SLC23A2: variants seen among roughly 807,000 people sequenced by gnomAD.
SLC23A2 encodes Na(+)/L-ascorbic acid transporter 2.
SLC23A2 carries 36 observed loss-of-function variants against 73.3 expected under a neutral mutation model. The ratio of observed to expected loss-of-function variants is 0.49; its 90% CI spans 0.38 to 0.65. The LOEUF is 0.65. Ranked by LOEUF, SLC23A2 falls within the 30% of genes least tolerant of loss-of-function variation. The probability of loss-of-function intolerance (pLI) is 0.00; values close to 1 mark genes in which losing one functional copy is unlikely to be tolerated. For missense variants in SLC23A2, 507 were observed against 841.6 expected (o/e 0.60, Z 4.92); for synonymous variants, 343 against 327.3 (o/e 1.05, Z -0.52).
chr20:4,870,847 G>T (rs922722717), intron 11 of SLC23A2, among the ~76,000 whole-genome samples: 1 of 152,150 alleles, frequency 6.6e-6, no homozygotes, highest in Non-Finnish European at 1.5e-5. Flanking sequence ...CATCCATAAG[G>T]TATGGACAGT....
intron 1 of SLC23A2, among the ~76,000 whole-genome samples, chr20:4,990,468 C>T (rs2087907137): frequency 6.6e-6 from 1 of 151,790 alleles, no homozygotes; most frequent in African/African-American, 2.4e-5. Context: ...TTCCTGGGTT[C>T]AATTGATTCC....
At chr20:4,977,555 G>A (rs984970046) in intron 1 of SLC23A2, among the ~76,000 whole-genome samples, 1 of 151,624 alleles carries the variant, frequency 6.6e-6, no homozygotes, top group African/African-American at 2.4e-5. Flanking sequence ...AAAATTAGCT[G>A]GGCATGGTGG....
At chr20:5,003,102 G>C (rs1471879832), upstream of SLC23A2, among the ~76,000 whole-genome samples, 1 of 152,182 alleles carries the variant, frequency 6.6e-6, no homozygotes, top group Admixed American at 6.6e-5. Context: ...ACAAAGATGC[G>C]GCCGGGCGCG....
At chr20:4,918,163 T>C (rs1932389571) in intron 3 of SLC23A2, among the ~76,000 whole-genome samples, 1 of 152,182 alleles carries the variant, frequency 6.6e-6, no homozygotes, top group Non-Finnish European at 1.5e-5. Context: ...CTTAATAAAG[T>C]CTGGTTTTCT....
chr20:4,873,306 A>C (rs996484907), intron 11 of SLC23A2, among the ~76,000 whole-genome samples: 1 of 152,186 alleles, frequency 6.6e-6, no homozygotes, highest in Non-Finnish European at 1.5e-5. Context: ...GAGTCTTCAC[A>C]ATGGAACCAA....
At chr20:4,961,160 T>G (rs1776954) in intron 2 of SLC23A2, among the ~76,000 whole-genome samples, 8,884 of 146,256 alleles carry the variant, frequency 0.061, 295 homozygotes, top group Middle Eastern at 0.16. Flanking sequence ...CAGGCTGGAG[T>G]GCGGCGGCAC....
chr20:4,989,678 A>G (rs1386079005), intron 1 of SLC23A2, among the ~76,000 whole-genome samples: 1 of 152,020 alleles, frequency 6.6e-6, no homozygotes, highest in Non-Finnish European at 1.5e-5. Context: ...CCCTTAAAAA[A>G]AAAAAAATTT....
upstream of SLC23A2, among the ~76,000 whole-genome samples, chr20:5,003,887 G>C (rs1464311048): frequency 6.6e-6 from 1 of 152,050 alleles, no homozygotes; most frequent in Non-Finnish European, 1.5e-5. Flanking sequence ...TGATGGCTCT[G>C]TAACAGTCCA....
At chr20:4,871,854 T>C (rs1930461080) in intron 11 of SLC23A2, among the ~76,000 whole-genome samples, 1 of 152,206 alleles carries the variant, frequency 6.6e-6, no homozygotes, top group African/African-American at 2.4e-5. Flanking sequence ...TTCTCAATTA[T>C]CTTTTATACT....
At chr20:4,981,760 G>A (rs1290536169) in intron 1 of SLC23A2, among the ~76,000 whole-genome samples, 4 of 150,384 alleles carry the variant, frequency 2.7e-5, no homozygotes, top group Non-Finnish European at 5.9e-5. Flanking sequence ...GGAATGCAGT[G>A]GCAAGATCTC....
rs534024614 is a variant in SLC23A2, at chr20:4,983,828, T to A, written c.-281-12909A>T. On this transcript the variant is annotated intron_variant, in intron 1 of 16. Transcript: ENST00000338244. ...AAAATTAGCCAGGCGTGGTGGTGCA[T>A]GCCTGTAATCCCTGCTATTCGGGAG... Among the ~76,000 whole-genome samples, 6 of 151,144 alleles carry A rather than the reference T, an allele frequency of 4.0e-5. No individual in the cohort carries two copies. The South Asian group carries it at 1.0e-3, about 26-fold the overall frequency.
intron 1 of SLC23A2, among the ~76,000 whole-genome samples, chr20:5,007,326 T>C (rs1280628401): frequency 2.6e-5 from 4 of 151,836 alleles, no homozygotes; most frequent in African/African-American, 7.3e-5. Flanking sequence ...AGGTCAGGAG[T>C]TGGAGACCAG....
chr20:4,885,974 G>A, intron 6 of SLC23A2, 65 bp from the exon 7 acceptor site: 1 of 1,024,196 alleles, frequency 9.8e-7, no homozygotes, highest in East Asian at 2.5e-5. Context: ...TTCACTATTT[G>A]ACAGCTTAAC....
rs1427560344 is a variant in SLC23A2, at chr20:4,970,779, T to C, written c.-155+14A>G. 6.6e-6 allele frequency: 1 copy of C among 152,202 alleles called. No individual in the cohort carries two copies. Among genetic ancestry groups the C allele is most frequent in the Admixed American group, 6.6e-5 (1 of 15,266 alleles). The allele number at this position is 152,202 out of a possible 1,614,324, so 9.4% of individuals were successfully genotyped here. On this transcript the variant is annotated intron_variant, in intron 2 of 16. Transcript: ENST00000338244. The stretch of plus-strand genomic sequence containing the variant: ...GAAAAGGAAACACAACTGGAGATTG[T>C]GTTTTACACGCACCTAAGTGATGTG...
At position 4,967,875 on chromosome 20, in the gene SLC23A2, A is replaced by G. The variant is rs962832054; in HGVS notation, c.-155+2918T>C. Among the ~76,000 whole-genome samples the G allele has an allele frequency of 2.6e-5, 4 of 152,210 alleles. No homozygotes were observed. The East Asian group carries it at 5.8e-4, about 22-fold the overall frequency. ...CCAAGCAGAATGGGTGTTCTCAGCT[A>G]TGAAAGCCAGGCACTCAACAATCAC... On this transcript the variant is annotated intron_variant, in intron 2 of 16. Transcript: ENST00000338244.
rs1043078991 is a variant in SLC23A2, at chr20:4,855,287, G to C, written c.*1685C>G. 6.6e-6 allele frequency: 1 copy of C among 152,326 alleles called. No individual in the cohort carries two copies. The highest frequency in any genetic ancestry group is 2.4e-5 in the African/African-American group (1 of 41,448). 9.4% of individuals were successfully genotyped at this position (152,326 alleles called of 1,614,324 possible). A position where few individuals can be genotyped will look rare whatever the true frequency, so the allele number is the denominator to read the frequency against. On this transcript the variant is annotated 3_prime_UTR_variant, in exon 17 of 17. Coordinates refer to ENST00000338244, the MANE Select transcript of SLC23A2 (RefSeq NM_005116.6). Reference sequence around the variant, plus strand: ...GAGAGCTGAGCCAGCCTGGGGCCGAGGGGGACAGGAATGCACCGTGTGGAC... The same window carrying C: ...GAGAGCTGAGCCAGCCTGGGGCCGACGGGGACAGGAATGCACCGTGTGGAC...
chr20:4,856,882 A>G lies in SLC23A2; in HGVS notation c.*90T>C. The G allele has an allele frequency of 1.2e-6, 1 of 803,744 alleles. No individual in the cohort carries two copies. The highest frequency in any genetic ancestry group is 2.1e-6 in the Non-Finnish European group (1 of 481,658). The allele number at this position is 803,744 out of a possible 1,614,324, so 49.8% of individuals were successfully genotyped here. On this transcript the variant is annotated 3_prime_UTR_variant, in exon 17 of 17. Transcript: ENST00000338244. The surrounding 1 kb of genome is among the most constrained non-coding windows in gnomAD (Gnocchi z 4.6). ...TCTGGGGCGCAGAATGTAAATGTAG[A>G]TATACAAACATGTATTTTACTTCTT... is the stretch of plus-strand genomic sequence containing the variant.
chr20:4,951,657 G>T (rs976079464), intron 2 of SLC23A2, among the ~76,000 whole-genome samples: 3 of 152,164 alleles, frequency 2.0e-5, no homozygotes, highest in Admixed American at 1.3e-4. Context: ...TGGGTTTTAG[G>T]ATTCTCTGCA....
chr20:5,001,117 C>A (rs2088114568), intron 1 of SLC23A2, among the ~76,000 whole-genome samples: 1 of 151,900 alleles, frequency 6.6e-6, no homozygotes, highest in South Asian at 2.1e-4. Flanking sequence ...CGCGCTGTGG[C>A]TCCCGTGGCG....
Sources: gnomAD v4.1 joint callset for allele counts (sites outside exome capture counted in the v4.1 genomes callset) on GRCh38, gnomAD v4.1.1 for gene constraint, Gnocchi (gnomAD v3.1) non-coding constraint, MANE v1.5 for transcripts, NCBI Gene and HGNC (gene_info 2026-07-23, HGNC 2026-07-21) for gene names.